The following MYOCD variants were observed in gnomAD, a reference collection of about 807,000 sequenced individuals.
MYOCD encodes the protein myocardin.
In MYOCD, 32 loss-of-function variants were observed where a neutral mutation model predicts 96.1. The observed-to-expected ratio is 0.33, with a 90% CI of 0.25 to 0.45. The LOEUF is 0.45. MYOCD is among the 20% of genes least tolerant of loss of function. The probability of loss-of-function intolerance (pLI) is 1.00; values close to 1 mark genes in which losing one functional copy is unlikely to be tolerated. For missense variants in MYOCD, 1,133 were observed against 1,200.6 expected, an observed-to-expected ratio of 0.94 and a Z score of 0.83; for synonymous variants, 469 against 469.0, an observed-to-expected ratio of 1.00 and a Z score of 0.00.
chr17:12,763,066 C>T lies in MYOCD; in HGVS notation c.2390-7C>T, dbSNP rs781343925. 1.3e-6 allele frequency: 2 copies of T among 1,598,884 alleles called. No individual in the cohort carries two copies. The highest frequency in any genetic ancestry group is 1.3e-5 in the African/African-American group (1 of 74,328). On this transcript the variant is annotated splice_polypyrimidine_tract_variant and splice_region_variant and intron_variant, in intron 13 of 13. Transcript: ENST00000425538. ...ATTTAACAAGTCACATCGTGTATTG[C>T]CCACAGAAATGCCAGCAGACGCTAG...
chr17:12,725,141 G>T (rs1597784103), intron 5 of MYOCD, among the ~76,000 whole-genome samples: 1 of 151,698 alleles, frequency 6.6e-6, no homozygotes, highest in Non-Finnish European at 1.5e-5. Context: ...TTATAACTGG[G>T]CAGTGTCAAA....
intron 2 of MYOCD, among the ~76,000 whole-genome samples, chr17:12,711,625 A>G (rs564788504): frequency 6.6e-6 from 1 of 152,322 alleles, no homozygotes; most frequent in Admixed American, 6.5e-5. Flanking sequence ...AGGAGCAATG[A>G]AAAGTGACAG....
In MYOCD at chr17:12,756,475, C is replaced by T. The variant is rs202021197; in HGVS notation, c.2120C>T (p.Pro707Leu). Reference sequence around the variant, plus strand: ...TCTCCCCATTCTTCCAGCCTCCACCCGCCCTTCTCTGGAGCCCAAGCAGAC... The same window carrying T: ...TCTCCCCATTCTTCCAGCCTCCACCTGCCCTTCTCTGGAGCCCAAGCAGAC... ...SFSPHSSSLHPPFSGAQADSS... is the reference protein window; with the variant it reads ...SFSPHSSSLHLPFSGAQADSS... Residue 707 changes from proline to leucine, a missense_variant, in exon 11 of 14, where the codon CCG becomes CTG. Pro to Leu is a moderately conservative substitution (Grantham distance 98). Coordinates refer to ENST00000425538, the MANE Select transcript of MYOCD (RefSeq NM_001146312.3). 8.4e-5 allele frequency: 131 copies of T among 1,551,976 alleles called. No homozygotes were observed. Among genetic ancestry groups the T allele is most frequent in the Non-Finnish European group, 1.0e-4 (118 of 1,147,084 alleles).
chr17:12,749,218 A>G lies in MYOCD; in HGVS notation c.1125+3146A>G, dbSNP rs72635531. ...ACTGCTGGACACTTCACTAGCTACC[A>G]GATTTTTGCTATTCAAAACGTGATT... On this transcript the variant is annotated intron_variant, in intron 9 of 13. Coordinates refer to ENST00000425538, the MANE Select transcript of MYOCD (RefSeq NM_001146312.3). Among the ~76,000 whole-genome samples the G allele has an allele frequency of 0.019, 2,870 of 152,222 alleles. 137 individuals are homozygous for G. The East Asian group carries it at 0.19, about 10-fold the overall frequency.
chr17:12,694,880 C>CAAA (rs2030661978), intron 1 of MYOCD, among the ~76,000 whole-genome samples: 2 of 46,876 alleles, frequency 4.3e-5, no homozygotes, highest in African/African-American at 9.3e-5. Context: ...TAAGGAATAA[C>CAAA]CAAAAAAAAA....
chr17:12,709,614 T>C (rs55941572), intron 2 of MYOCD, among the ~76,000 whole-genome samples: 13,900 of 152,274 alleles, frequency 0.091, 667 homozygotes, highest in Middle Eastern at 0.16. Flanking sequence ...ACTTATTGTT[T>C]AGATTTATCT....
intron 9 of MYOCD, among the ~76,000 whole-genome samples, chr17:12,750,698 C>G (rs1343333043): frequency 6.6e-6 from 1 of 151,808 alleles, no homozygotes; most frequent in Admixed American, 6.6e-5. Context: ...CAAAAAAAAA[C>G]TAATTTAATT....
In MYOCD at chr17:12,674,183, C is replaced by T. The variant is rs564018601; in HGVS notation, c.55+7940C>T. On this transcript the variant is annotated intron_variant, in intron 1 of 13. Transcript: ENST00000425538. The stretch of plus-strand genomic sequence containing the variant: ...AGACAACTTGGAGGCCAGGTATGAA[C>T]GTATTTGTTCCACTGTCCCATGATG... Among the ~76,000 whole-genome samples the T allele has an allele frequency of 1.9e-4, 29 of 152,240 alleles. No individual in the cohort carries two copies. The Middle Eastern group carries it at 0.01, about 54-fold the overall frequency.
intron 4 of MYOCD, among the ~76,000 whole-genome samples, chr17:12,721,423 G>A (rs897686682): frequency 4.6e-5 from 7 of 152,330 alleles, no homozygotes; most frequent in South Asian, 2.1e-4. Context: ...CAGTCAAAGC[G>A]AAAGAGATCT....
rs893241589 is a variant in MYOCD at position 12,734,459 on chromosome 17, C to T, written c.416-1702C>T. Among the ~76,000 whole-genome samples, 7 of 151,872 alleles carry T rather than the reference C, an allele frequency of 4.6e-5. No homozygotes were observed. In the East Asian group the frequency reaches 9.7e-4, roughly 21 times the overall value. On this transcript the variant is annotated intron_variant, in intron 5 of 13. Coordinates refer to ENST00000425538, the MANE Select transcript of MYOCD (RefSeq NM_001146312.3). ...TAACCCCCTAACCCCCATCCACCCACCCACCTACTGCATGCCTACCTGGCC... is the reference window on the plus strand; with the variant it reads ...TAACCCCCTAACCCCCATCCACCCATCCACCTACTGCATGCCTACCTGGCC...
chr17:12,747,902 ACG>A (rs1278998090), intron 9 of MYOCD, among the ~76,000 whole-genome samples: 2 of 151,158 alleles, frequency 1.3e-5, no homozygotes, highest in Non-Finnish European at 2.9e-5. Context: ...GTGGTGGCTC[ACG>A]CCTATAATCG....
At chr17:12,732,741 G>C (rs1348587748) in intron 5 of MYOCD, among the ~76,000 whole-genome samples, 1 of 152,180 alleles carries the variant, frequency 6.6e-6, no homozygotes, top group East Asian at 1.9e-4. Flanking sequence ...TCAACTTCTA[G>C]ACTTTTCGAC....
chr17:12,699,553 A>G (rs536237677), intron 1 of MYOCD, among the ~76,000 whole-genome samples: 32 of 152,276 alleles, frequency 2.1e-4, no homozygotes, highest in Non-Finnish European at 4.4e-4. Context: ...CCTATATCTC[A>G]ATTGTTTATC....
intron 3 of MYOCD, 115 bp downstream of exon 3, chr17:12,715,689 T>A: frequency 1.4e-6 from 1 of 703,770 alleles, no homozygotes; most frequent in South Asian, 2.0e-5. Context: ...AATTTGCCAG[T>A]CCCCTGCCCT....
At chr17:12,671,326 G>C (rs1255134680) in intron 1 of MYOCD, among the ~76,000 whole-genome samples, 1 of 152,166 alleles carries the variant, frequency 6.6e-6, no homozygotes, top group Non-Finnish European at 1.5e-5. Context: ...TTTATTGTTA[G>C]ATGTGCGTTT....
intron 4 of MYOCD, among the ~76,000 whole-genome samples, chr17:12,722,601 T>G (rs1180732787): frequency 6.6e-6 from 1 of 152,180 alleles, no homozygotes; most frequent in Non-Finnish European, 1.5e-5. Flanking sequence ...AATTGTACAT[T>G]TTTTCACGAA....
At chr17:12,689,649 T>C (rs1040419376) in intron 1 of MYOCD, among the ~76,000 whole-genome samples, 4 of 152,084 alleles carry the variant, frequency 2.6e-5, no homozygotes, top group African/African-American at 9.7e-5. Flanking sequence ...CTGGCCAACA[T>C]GGTGAAACCC....
Position 12,745,967 on chromosome 17 carries a change from A to G in MYOCD, c.1020A>G (p.Pro340=), listed in dbSNP as rs1174568940. Residue 340 remains proline (P), a synonymous_variant, in exon 9 of 14, where the codon CCA becomes CCG. Coordinates refer to ENST00000425538, the MANE Select transcript of MYOCD (RefSeq NM_001146312.3). The part of the protein sequence containing the change: ...MVRNPNSSST[P]LSNTPLSPVK... ...GAAATCCAAACTCTTCTTCAACGCC[A>G]CTGAGCAATACCCCCTTGTCTCCTG... 2 of 1,614,196 alleles carry G rather than the reference A, an allele frequency of 1.2e-6. No individual in the cohort carries two copies. The highest frequency in any genetic ancestry group is 1.7e-6 in the Non-Finnish European group (2 of 1,180,032).
chr17:12,728,064 A>G (rs1181114000), intron 5 of MYOCD, among the ~76,000 whole-genome samples: 1 of 152,228 alleles, frequency 6.6e-6, no homozygotes, highest in Admixed American at 6.5e-5. Context: ...ACCGCTTATC[A>G]GGCCAGAACA....
Sources: allele counts gnomAD v4.1 joint callset (sites outside exome capture counted in the v4.1 genomes callset), GRCh38; gene constraint gnomAD v4.1.1; transcripts MANE v1.5; gene names NCBI Gene and HGNC (gene_info 2026-07-23, HGNC 2026-07-21).